Variants in KRABD2 observed in about 807,000 individuals in gnomAD.
KRABD2 encodes KRAB domain-containing protein 2.
the KRABD2 span, among the ~76,000 whole-genome samples, chr17:8,373,114 C>T: frequency 2.0e-5 from 3 of 151,198 alleles, no homozygotes; most frequent in Admixed American, 6.6e-5. Flanking sequence ...CTCTCTCCAT[C>T]TCCGTCTCCA....
chr17:8,376,148 T>A, the KRABD2 span: 4 of 1,231,606 alleles, frequency 3.2e-6, no homozygotes, highest in Non-Finnish European at 4.0e-6. Flanking sequence ...GTACCCCCTT[T>A]GGAGGGCCCA....
chr17:8,364,087 T>C, the KRABD2 span, among the ~76,000 whole-genome samples: 1 of 151,794 alleles, frequency 6.6e-6, no homozygotes, highest in Admixed American at 6.6e-5. The surrounding 1 kb of genome is among the most constrained non-coding windows in gnomAD (Gnocchi z 4.4). Context: ...CAGGCTGGTC[T>C]CGAACTCCTG....
At chr17:8,369,700 C>T in the KRABD2 span, 1 of 1,614,088 alleles carries the variant, frequency 6.2e-7, no homozygotes, top group South Asian at 1.1e-5. Flanking sequence ...ACACTGACCA[C>T]CTCATGGGCC....
chr17:8,371,770 CAG>C, the KRABD2 span: 51 of 1,235,744 alleles, frequency 4.1e-5, no homozygotes, highest in African/African-American at 7.0e-4. Flanking sequence ...TGACTCCTAA[CAG>C]GGGTGGCAGG....
the KRABD2 span, among the ~76,000 whole-genome samples, chr17:8,363,135 A>G: frequency 6.6e-6 from 1 of 152,104 alleles, no homozygotes; most frequent in Non-Finnish European, 1.5e-5. Context: ...TACACTGATG[A>G]CTCTGGGTTG....
At chr17:8,373,102 T>C in the KRABD2 span, among the ~76,000 whole-genome samples, 2 of 152,024 alleles carry the variant, frequency 1.3e-5, no homozygotes, top group African/African-American at 4.8e-5. Context: ...GTCTCCCTCT[T>C]CCTCTCTCCA....
chr17:8,370,675 T>G, the KRABD2 span, among the ~76,000 whole-genome samples: 3 of 151,464 alleles, frequency 2.0e-5, no homozygotes, highest in Non-Finnish European at 4.4e-5. Context: ...GCAAGAAACC[T>G]AATCAACTGG....
At chr17:8,371,395 G>A in the KRABD2 span, 6 of 1,614,070 alleles carry the variant, frequency 3.7e-6, no homozygotes, top group Non-Finnish European at 5.1e-6. Context: ...CCAATCTTTG[G>A]TCATATTTTC....
the KRABD2 span, chr17:8,369,762 T>A: frequency 6.2e-7 from 1 of 1,614,186 alleles, no homozygotes; most frequent in South Asian, 1.1e-5. Context: ...GTGATCCTGG[T>A]AGTATAAAAT....
At chr17:8,373,762 TG>T in the KRABD2 span, 1 of 166,534 alleles carries the variant, frequency 6.0e-6, no homozygotes, top group Non-Finnish European at 1.3e-5. Context: ...GTCTGAGATG[TG>T]GGGAGCGCCT....
At chr17:8,362,789 A>G in the KRABD2 span, among the ~76,000 whole-genome samples, 1 of 152,150 alleles carries the variant, frequency 6.6e-6, no homozygotes, top group East Asian at 1.9e-4. The surrounding 1 kb of genome is among the most constrained non-coding windows in gnomAD (Gnocchi z 4.2). Flanking sequence ...GCTCCTCTCA[A>G]TGTGGGCCTC....
chr17:8,363,076 AG>A, the KRABD2 span, among the ~76,000 whole-genome samples: 4 of 152,248 alleles, frequency 2.6e-5, no homozygotes, highest in African/African-American at 9.6e-5. Flanking sequence ...TGCTACTGGT[AG>A]GGATGACATG....
the KRABD2 span, chr17:8,371,935 G>C: frequency 3.0e-6 from 3 of 991,406 alleles, no homozygotes; most frequent in Middle Eastern, 1.0e-3. Flanking sequence ...TCTAAACTGG[G>C]ATTCCTTAGT....
the KRABD2 span, chr17:8,359,937 G>C: frequency 1.7e-5 from 7 of 414,750 alleles, no homozygotes; most frequent in Non-Finnish European, 2.9e-5. Flanking sequence ...TGTGGGGGTA[G>C]AGTGGGGAGG....
At chr17:8,367,088 T>G in the KRABD2 span, 1 of 152,180 alleles carries the variant, frequency 6.6e-6, no homozygotes, top group Admixed American at 6.5e-5. Context: ...GGCAGGAATA[T>G]GTATTAGATA....
the KRABD2 span, chr17:8,369,603 T>C: frequency 6.2e-7 from 1 of 1,614,118 alleles, no homozygotes; most frequent in Admixed American, 1.7e-5. Context: ...CTCATTGAGC[T>C]CATGAACAAC....
At chr17:8,366,427 G>T in the KRABD2 span, among the ~76,000 whole-genome samples, 1 of 152,150 alleles carries the variant, frequency 6.6e-6, no homozygotes, top group African/African-American at 2.4e-5. Flanking sequence ...TTATTTCCCT[G>T]ACTATTGGTC....
chr17:8,359,211 G>A, the KRABD2 span, among the ~76,000 whole-genome samples: 3 of 152,210 alleles, frequency 2.0e-5, no homozygotes, highest in Non-Finnish European at 4.4e-5. Flanking sequence ...AATGTTCTCA[G>A]TGCATCCTTT....
the KRABD2 span, among the ~76,000 whole-genome samples, chr17:8,367,677 A>C: frequency 2.0e-5 from 3 of 151,706 alleles, no homozygotes. Flanking sequence ...AAAAAAAAAA[A>C]AAACAAGTGA....
Sources: gnomAD v4.1 joint callset for allele counts (sites outside exome capture counted in the v4.1 genomes callset) on GRCh38, gnomAD v4.1.1 for gene constraint, Gnocchi (gnomAD v3.1) non-coding constraint, MANE v1.5 for transcripts, NCBI Gene and HGNC (gene_info 2026-07-23, HGNC 2026-07-21) for gene names.